Variants in SRCIN1 observed in about 807,000 individuals in gnomAD.
SRCIN1 encodes P130Cas-associated protein.
A neutral mutation model predicts 116.2 loss-of-function variants in SRCIN1; 50 were observed. That is an observed-to-expected ratio of 0.43 (90% CI 0.34 to 0.54). The LOEUF is 0.54. Ranked by LOEUF, SRCIN1 falls within the 20% of genes least tolerant of loss-of-function variation. SRCIN1 has a pLI of 0.02. For synonymous variants in SRCIN1, 736 were observed against 750.0 expected, an observed-to-expected ratio of 0.98 and a Z score of 0.30; for missense variants, 1,446 against 1,672.0, an observed-to-expected ratio of 0.86 and a Z score of 2.36.
At position 38,561,776 on chromosome 17, in the gene SRCIN1, C is replaced by T. The variant is rs1331888223; in HGVS notation, c.1387G>A (p.Gly463Ser). The T allele has an allele frequency of 2.7e-6, 4 of 1,493,868 alleles. No individual in the cohort carries two copies. The highest frequency in any genetic ancestry group is 1.4e-5 in the African/African-American group (1 of 68,990). 92.5% of individuals were successfully genotyped at this position (1,493,868 alleles called of 1,614,324 possible). Residue 463 changes from glycine (G) to serine (S), a missense_variant, in exon 7 of 19, where the codon GGC becomes AGC. This residue lies in a region of SRCIN1 where 398 missense variants were observed against 385.6 expected (regional missense o/e 1.03). Transcript: ENST00000617146. ...GGCAGGCGGAAGCCGTAGCCGTCGC[C>T]GTACAGCGGGCCGCCGCCGCCCGCC... ...KAAGGGGPLY[G>S]DGYGFRLPPS...
chr17:38,540,740 G>GGTGTGTGTGTGTGTGT (rs151164930), intron 18 of SRCIN1, among the ~76,000 whole-genome samples: 3 of 146,848 alleles, frequency 2.0e-5, no homozygotes, highest in African/African-American at 7.6e-5. Context: ...AGCTGGCAGG[G>GGTGTGTGTGTGTGTGT]GTGTGTGTGT....
chr17:38,578,729 G>C lies in SRCIN1; in HGVS notation c.85C>G (p.Arg29Gly). The C allele has an allele frequency of 6.5e-7, 1 of 1,531,114 alleles. No homozygotes were observed. The highest frequency in any genetic ancestry group is 8.7e-7 in the Non-Finnish European group (1 of 1,143,132). The allele number at this position is 1,531,114 out of a possible 1,614,324, so 94.8% of individuals were successfully genotyped here. A position where few individuals can be genotyped will look rare whatever the true frequency, so the allele number is the denominator to read the frequency against. Residue 29 changes from arginine (R) to glycine (G), a missense_variant, in exon 2 of 19, where the codon CGG becomes GGG. Physicochemically the swap from Arg to Gly is moderately radical, Grantham distance 125 (BLOSUM62 -2). Coordinates refer to ENST00000617146, the MANE Select transcript of SRCIN1 (RefSeq NM_025248.3). ...CCGCCGCCCCCGCCCCCCAGGGTCC[G>C]GTACTCCCGCGGGTACTCCGCATCG... ...ADDAEYPREY[R>G]TLGGGGGGGS... is the part of the protein sequence containing the mutation.
chr17:38,535,131 TTTTG>T (rs3045804), intron 18 of SRCIN1, among the ~76,000 whole-genome samples: 2,525 of 150,832 alleles, frequency 0.017, 33 homozygotes, highest in Non-Finnish European at 0.023. Flanking sequence ...GGCCCTGTTT[TTTTG>T]TTTGTTTGTT....
intron 10 of SRCIN1, chr17:38,559,348 G>A: frequency 3.6e-6 from 2 of 555,586 alleles, no homozygotes; most frequent in Non-Finnish European, 6.3e-6. Flanking sequence ...CTCAATGAGG[G>A]GGTCACGGGC....
In SRCIN1 at chr17:38,559,862, C is replaced by T. The variant is rs1906109506; in HGVS notation, c.1838-90G>A. On this transcript the variant is annotated intron_variant, in intron 9 of 18. Coordinates refer to ENST00000617146, the MANE Select transcript of SRCIN1 (RefSeq NM_025248.3). ...GACAAAGTCCTCCCTACTCTCCGACCCCACACAGTAGCCAGAGAAGCCCGT... is the reference window on the plus strand; with the variant it reads ...GACAAAGTCCTCCCTACTCTCCGACTCCACACAGTAGCCAGAGAAGCCCGT... The T allele has an allele frequency of 2.8e-6, 4 of 1,432,900 alleles. 1 individual carries two copies. In the South Asian group the frequency reaches 5.6e-5, roughly 20 times the overall value. The allele number at this position is 1,432,900 out of a possible 1,614,324, so 88.8% of individuals were successfully genotyped here.
At position 38,551,351 on chromosome 17, in the gene SRCIN1, C is replaced by T. The variant is rs2143097220; in HGVS notation, c.2766G>A (p.Leu922=). The change falls in exon 15 of 19, where the codon CTG becomes CTA. Residue 922 remains leucine (L), a synonymous_variant. Transcript: ENST00000617146. Reference sequence around the variant, plus strand: ...TGATGTCCTTGGCACTGTACTGGGTCAGGGCTGCCCGCTTCTCCTCCCAGT... The same window carrying T: ...TGATGTCCTTGGCACTGTACTGGGTTAGGGCTGCCCGCTTCTCCTCCCAGT... The part of the protein sequence containing the change: ...ERDWEEKRAA[L]TQYSAKDINR... 2 of 1,613,558 alleles carry T rather than the reference C, an allele frequency of 1.2e-6. No individual in the cohort carries two copies. The highest frequency in any genetic ancestry group is 2.2e-5 in the East Asian group (1 of 44,884).
At chr17:38,543,203 C>T (rs1253978886) in intron 18 of SRCIN1, 1 of 456,650 alleles carries the variant, frequency 2.2e-6, no homozygotes, top group Non-Finnish European at 4.4e-6. Context: ...GCCAAAGTGC[C>T]TCGCCCTGTC....
chr17:38,561,585 C>G lies in SRCIN1; in HGVS notation c.1578G>C (p.Lys526Asn), dbSNP rs1394481544. The change falls in exon 7 of 19, where the codon AAG becomes AAC. Residue 526 changes from lysine (K) to asparagine (N), a missense_variant. Lys to Asn is a moderately conservative substitution (Grantham distance 94). Around this residue, in one of 5 missense-constraint regions of SRCIN1, gnomAD observed 398 missense variants for 385.6 expected, o/e 1.03. Transcript: ENST00000617146. ...SSVFAESPGG[K>N]TRSAGSASTA... ...TCGAGGCGCTCCCCGCGCTGCGGGTCTTCCCTCCAGGACTCTCGGCAAAGA... is the reference window on the plus strand; with the variant it reads ...TCGAGGCGCTCCCCGCGCTGCGGGTGTTCCCTCCAGGACTCTCGGCAAAGA... 1 of 1,602,064 alleles carries G rather than the reference C, an allele frequency of 6.2e-7. No homozygotes were observed. The highest frequency in any genetic ancestry group is 1.4e-5 in the African/African-American group (1 of 73,790).
intron 1 of SRCIN1, among the ~76,000 whole-genome samples, chr17:38,588,903 G>A (rs554086877): frequency 5.9e-5 from 9 of 152,232 alleles, no homozygotes; most frequent in South Asian, 2.1e-4. Flanking sequence ...ATGGGGACAG[G>A]CTCTCCCTAG....
chr17:38,534,545 C>T (rs1318756020), intron 18 of SRCIN1, among the ~76,000 whole-genome samples: 5 of 152,122 alleles, frequency 3.3e-5, no homozygotes, highest in East Asian at 1.9e-4. Context: ...TAAGACAGGG[C>T]GCTGTGGCGA....
At chr17:38,534,850 G>A (rs565916439) in intron 18 of SRCIN1, among the ~76,000 whole-genome samples, 18 of 152,286 alleles carry the variant, frequency 1.2e-4, no homozygotes, top group East Asian at 3.9e-4. Context: ...AACAAGGGCC[G>A]GGTGTGGTGG....
At chr17:38,547,323 G>A (rs1256818200) in intron 17 of SRCIN1, among the ~76,000 whole-genome samples, 1 of 152,186 alleles carries the variant, frequency 6.6e-6, no homozygotes, top group African/African-American at 2.4e-5. Context: ...ATGGAGGTGG[G>A]GGCTAGGCAA....
rs2471623 is a variant in SRCIN1 at position 38,552,831 on chromosome 17, C to A, written c.2226G>T (p.Lys742Asn). The A allele has an allele frequency of 1.9e-5, 31 of 1,613,980 alleles. No individual in the cohort carries two copies. In the South Asian group the frequency reaches 2.4e-4, roughly 13 times the overall value. ...GGTTGTGGGACACGTCTCTCTGGAT[C>A]TTCTCCACCGATTTCTCCAGGTCAC... Reference protein sequence around the residue: ...QLNDLEKSVEKIQRDVSHNHR... With the variant: ...QLNDLEKSVENIQRDVSHNHR... The change falls in exon 12 of 19, where the codon AAG becomes AAT. Residue 742 changes from lysine (K) to asparagine (N), a missense_variant. By Grantham distance (94) the Lys-to-Asn change is moderately conservative. Around this residue, in one of 5 missense-constraint regions of SRCIN1, gnomAD observed 531 missense variants for 633.9 expected, o/e 0.84. Transcript: ENST00000617146. This position sits in a 1 kb window ranked among gnomAD's most constrained non-coding sequence, Gnocchi z 5.3.
rs1906308313 is a variant in SRCIN1, at chr17:38,562,156, C to A, written c.1007G>T (p.Arg336Leu). 1.5e-6 allele frequency: 2 copies of A among 1,365,216 alleles called. No homozygotes were observed. The highest frequency in any genetic ancestry group is 1.7e-5 in the South Asian group (1 of 57,804). 84.6% of individuals were successfully genotyped at this position (1,365,216 alleles called of 1,614,324 possible). ...CGGGCTGCCGGCGTACGAAGGCGGG[C>A]GCCCCCCGGCGTACGATAGGCGCGA... Reference protein sequence around the residue: ...SRSRLSYAGGRPPSYAGSPVH... With the variant: ...SRSRLSYAGGLPPSYAGSPVH... Residue 336 changes from arginine to leucine, a missense_variant, in exon 7 of 19, where the codon CGC becomes CTC. Physicochemically the swap from Arg to Leu is moderately radical, Grantham distance 102 (BLOSUM62 -2). This residue lies in a region of SRCIN1 where 239 missense variants were observed against 317.7 expected (regional missense o/e 0.75). Coordinates refer to ENST00000617146, the MANE Select transcript of SRCIN1 (RefSeq NM_025248.3). This position sits in a 1 kb window ranked among gnomAD's most constrained non-coding sequence, Gnocchi z 4.2.
At chr17:38,591,596 A>G (rs1056767249) in intron 1 of SRCIN1, among the ~76,000 whole-genome samples, 4 of 152,130 alleles carry the variant, frequency 2.6e-5, no homozygotes, top group African/African-American at 9.7e-5. Flanking sequence ...GGAAAAACAA[A>G]TGCTCAGGGC....
rs1909222364 is a variant in SRCIN1, at chr17:38,604,184, C to G, written c.22+1500G>C. On this transcript the variant is annotated intron_variant, in intron 1 of 18. Transcript: ENST00000617146. The surrounding 1 kb of genome is among the most constrained non-coding windows in gnomAD (Gnocchi z 4.3). ...ATACCAAGAGTCGGGAAGAAGGTAT[C>G]CTGACGACCCCCCAAAAGTGCTCAA... 6.6e-6 allele frequency among the ~76,000 whole-genome samples: 1 copy of G among 152,116 alleles called. No individual in the cohort carries two copies. The highest frequency in any genetic ancestry group is 1.5e-5 in the Non-Finnish European group (1 of 68,014).
In SRCIN1 at chr17:38,533,363, C is replaced by T. The variant is rs376076030; in HGVS notation, c.3486G>A (p.Ser1162=). The change falls in exon 19 of 19, where the codon TCG becomes TCA. Residue 1162 remains serine, a synonymous_variant. Coordinates refer to ENST00000617146, the MANE Select transcript of SRCIN1 (RefSeq NM_025248.3). ...ETSSPVSEKP[S]ASRTSIPVLT... ...ATACAGGGATAGAGGTTCTGGAAGC[C>T]GAGGGCTTTTCTGAGACTGGGCTCG... 36 of 1,608,736 alleles carry T rather than the reference C, an allele frequency of 2.2e-5. No homozygotes were observed. Among genetic ancestry groups the T allele is most frequent in the Admixed American group, 1.7e-4 (10 of 59,140 alleles).
chr17:38,534,068 A>G (rs2040966114), intron 18 of SRCIN1, among the ~76,000 whole-genome samples: 1 of 152,130 alleles, frequency 6.6e-6, no homozygotes, highest in South Asian at 2.1e-4. Flanking sequence ...CCCTGCAAGC[A>G]CTTGTCGCCC....
chr17:38,542,984 T>C (rs1170349340), intron 18 of SRCIN1: 7 of 436,978 alleles, frequency 1.6e-5, no homozygotes, highest in Non-Finnish European at 3.3e-5. Flanking sequence ...TGCTCATAAA[T>C]ATTAACTAAA....
Sources: allele counts gnomAD v4.1 joint callset (sites outside exome capture counted in the v4.1 genomes callset), GRCh38; gene constraint gnomAD v4.1.1; regional missense constraint gnomAD v4.1.1; non-coding constraint Gnocchi (gnomAD v3.1); transcripts MANE v1.5; gene names NCBI Gene and HGNC (gene_info 2026-07-23, HGNC 2026-07-21).